Variants in GABRG3 observed in about 807,000 individuals in gnomAD.
GABRG3 encodes gamma-aminobutyric acid receptor subunit gamma-3.
GABRG3 carries 25 observed loss-of-function variants against 48.8 expected under a neutral mutation model. The ratio of observed to expected loss-of-function variants is 0.51; its 90% CI spans 0.37 to 0.72. The LOEUF (loss-of-function observed/expected upper bound fraction) is 0.72. GABRG3 is among the 30% of genes least tolerant of loss of function. The pLI, the probability that GABRG3 is intolerant of heterozygous loss-of-function variation, is 0.00. For synonymous variants in GABRG3, 227 were observed against 217.6 expected (o/e 1.04, Z -0.38); for missense variants, 394 against 577.9 (o/e 0.68, Z 3.26).
At chr15:27,142,467 T>C (rs1253234084) in intron 3 of GABRG3, among the ~76,000 whole-genome samples, 1 of 152,094 alleles carries the variant, frequency 6.6e-6, no homozygotes, top group African/African-American at 2.4e-5. Context: ...TGAGATCTCG[T>C]GAGACTTATT....
At chr15:27,501,109 G>A (rs564264523) in intron 6 of GABRG3, among the ~76,000 whole-genome samples, 4 of 151,866 alleles carry the variant, frequency 2.6e-5, no homozygotes, top group South Asian at 2.1e-4. Flanking sequence ...CCGCCACCAC[G>A]CCCAGCAAAT....
At chr15:27,493,423 A>C (rs571144187) in intron 6 of GABRG3, among the ~76,000 whole-genome samples, 2 of 152,344 alleles carry the variant, frequency 1.3e-5, no homozygotes, top group East Asian at 3.9e-4. Flanking sequence ...TTCATAGACC[A>C]GTATGCAGAT....
chr15:27,258,530 A>T (rs1337530050), intron 3 of GABRG3, among the ~76,000 whole-genome samples: 50 of 152,150 alleles, frequency 3.3e-4, no homozygotes, highest in Admixed American at 3.3e-3. Flanking sequence ...TTACACTGCC[A>T]GCCTGATGCT....
chr15:27,245,659 G>A (rs987008100), intron 3 of GABRG3, among the ~76,000 whole-genome samples: 10 of 151,628 alleles, frequency 6.6e-5, no homozygotes, highest in African/African-American at 1.9e-4. Context: ...GAATTACAAC[G>A]TCAGGAGTTC....
At chr15:27,301,410 G>T (rs1475825341) in intron 3 of GABRG3, among the ~76,000 whole-genome samples, 1 of 151,870 alleles carries the variant, frequency 6.6e-6, no homozygotes, top group Non-Finnish European at 1.5e-5. Flanking sequence ...CAGTTTATCT[G>T]GTTTCCTGCT....
At chr15:27,381,986 G>T (rs1244465876) in intron 5 of GABRG3, among the ~76,000 whole-genome samples, 3 of 152,118 alleles carry the variant, frequency 2.0e-5, no homozygotes. Flanking sequence ...TGAGGAACTT[G>T]TTATCTTAGA....
chr15:27,058,575 A>G (rs566926536), intron 3 of GABRG3, among the ~76,000 whole-genome samples: 1 of 152,176 alleles, frequency 6.6e-6, no homozygotes, highest in South Asian at 2.1e-4. Context: ...CTGTCCGGCT[A>G]CATGTCAAGT....
chr15:27,460,762 G>T (rs1473130471), intron 5 of GABRG3, among the ~76,000 whole-genome samples: 2 of 152,106 alleles, frequency 1.3e-5, no homozygotes, highest in African/African-American at 4.8e-5. Flanking sequence ...CTACCTCCAG[G>T]CCCCTCAGGA....
intron 3 of GABRG3, among the ~76,000 whole-genome samples, chr15:27,045,750 G>A (rs573074472): frequency 2.0e-5 from 3 of 152,286 alleles, no homozygotes; most frequent in South Asian, 4.1e-4. Context: ...AGCCCACAAC[G>A]TCTTTTTGGA....
intron 5 of GABRG3, among the ~76,000 whole-genome samples, chr15:27,418,523 C>T (rs1248737951): frequency 6.6e-6 from 1 of 152,130 alleles, no homozygotes; most frequent in Non-Finnish European, 1.5e-5. Flanking sequence ...CTGAGGATGT[C>T]ACTGATTCAG....
At chr15:27,239,948 A>G (rs534294818) in intron 3 of GABRG3, among the ~76,000 whole-genome samples, 35 of 152,354 alleles carry the variant, frequency 2.3e-4, no homozygotes, top group Non-Finnish European at 3.7e-4. Context: ...ATAAATTACC[A>G]TATCCTTATT....
intron 3 of GABRG3, among the ~76,000 whole-genome samples, chr15:27,100,217 CAAAA>C (rs36148252): frequency 0.25 from 33,014 of 130,822 alleles, 3,719 homozygotes; most frequent in Middle Eastern, 0.4. Context: ...GACCCTGTCT[CAAAA>C]AAAAAAAAAA....
chr15:27,115,404 C>T (rs865840350), intron 3 of GABRG3, among the ~76,000 whole-genome samples: 9 of 152,146 alleles, frequency 5.9e-5, no homozygotes, highest in African/African-American at 1.9e-4. Context: ...GAGCTGAGGG[C>T]GGAATGTGGT....
intron 2 of GABRG3, among the ~76,000 whole-genome samples, chr15:27,025,024 C>CAAAA (rs34897569): frequency 1.2e-4 from 11 of 91,570 alleles, no homozygotes; most frequent in Non-Finnish European, 1.4e-4. Context: ...GACCCTGTCT[C>CAAAA]AAAAAAAAAA....
intron 5 of GABRG3, among the ~76,000 whole-genome samples, chr15:27,386,550 C>CT (rs995756938): frequency 1.3e-4 from 20 of 150,664 alleles, no homozygotes; most frequent in African/African-American, 3.9e-4. Context: ...ACTTGGGGGA[C>CT]TTTTTTTTTC....
intron 3 of GABRG3, among the ~76,000 whole-genome samples, chr15:27,176,253 T>C (rs899012629): frequency 1.3e-5 from 2 of 152,202 alleles, no homozygotes; most frequent in East Asian, 3.9e-4. Flanking sequence ...TTTTAAGAGT[T>C]CCACCTCTTT....
At chr15:27,301,798 C>CA (rs140817573) in intron 3 of GABRG3, among the ~76,000 whole-genome samples, 1,975 of 151,986 alleles carry the variant, frequency 0.013, 41 homozygotes, top group African/African-American at 0.045. Flanking sequence ...ACATTTTTTA[C>CA]AAAAAATATA....
intron 3 of GABRG3, among the ~76,000 whole-genome samples, chr15:27,276,923 T>C (rs540243438): frequency 1.7e-4 from 26 of 152,342 alleles, no homozygotes; most frequent in Admixed American, 2.6e-4. Flanking sequence ...TATCACTTCT[T>C]CCCAGCTAAA....
chr15:27,537,629 T>G lies in GABRG3; in HGVS notation c.*4748T>G, dbSNP rs1373987168. The G allele has an allele frequency of 1.4e-5, 2 of 142,950 alleles. No homozygotes were observed. The highest frequency in any genetic ancestry group is 2.9e-5 in the Non-Finnish European group (2 of 67,950). The allele number at this position is 142,950 out of a possible 1,614,324, so 8.9% of individuals were successfully genotyped here. On this transcript the variant is annotated 3_prime_UTR_variant, in exon 10 of 10. Coordinates refer to ENST00000615808, the MANE Select transcript of GABRG3 (RefSeq NM_033223.5). Reference sequence around the variant, plus strand: ...TGGTAAGAACTCAGCCATTCAGTATTTCTGGAAGAATTAAAAACTTGGCTT... The same window carrying G: ...TGGTAAGAACTCAGCCATTCAGTATGTCTGGAAGAATTAAAAACTTGGCTT...
Sources: allele counts gnomAD v4.1 joint callset (sites outside exome capture counted in the v4.1 genomes callset), GRCh38; gene constraint gnomAD v4.1.1; transcripts MANE v1.5; gene names NCBI Gene and HGNC (gene_info 2026-07-23, HGNC 2026-07-21).